ZNF8: variants seen among roughly 807,000 people sequenced by gnomAD.
The protein encoded by ZNF8 is zinc finger protein 272.
ZNF8 carries 9 observed loss-of-function variants against 12.2 expected under a neutral mutation model. The observed-to-expected ratio is 0.73, with a 90% CI of 0.44 to 1.28. The LOEUF (loss-of-function observed/expected upper bound fraction) is 1.28, where lower values mean the gene tolerates loss of function less well. Ranked by LOEUF, ZNF8 falls within the 50% of genes most tolerant of loss-of-function variation. The pLI is 0.00. For synonymous variants in ZNF8, 274 were observed against 282.3 expected, an observed-to-expected ratio of 0.97 and a Z score of 0.30; for missense variants, 664 against 729.1, an observed-to-expected ratio of 0.91 and a Z score of 1.03.
rs765986358 is a variant in ZNF8, at chr19:58,295,495, G to A, written c.1687G>A (p.Val563Met). 6.2e-7 allele frequency: 1 copy of A among 1,609,300 alleles called. No individual in the cohort carries two copies. The highest frequency in any genetic ancestry group is 1.1e-5 in the South Asian group (1 of 90,700). Residue 563 changes from valine to methionine, a missense_variant, in exon 4 of 4, where the codon GTG becomes ATG. By Grantham distance (21) the Val-to-Met change is conservative. Coordinates refer to ENST00000621650, the MANE Select transcript of ZNF8 (RefSeq NM_021089.3). Reference protein sequence around the residue: ...VHVIGVEEPSVGASMLFDIRE... With the variant: ...VHVIGVEEPSMGASMLFDIRE... Reference sequence around the variant, plus strand: ...CGTTATTGGGGTGGAAGAGCCTTCTGTGGGTGCTTCCATGTTATTTGACAT... The same window carrying A: ...CGTTATTGGGGTGGAAGAGCCTTCTATGGGTGCTTCCATGTTATTTGACAT...
At position 58,300,543 on chromosome 19, in the gene ZNF8, T is replaced by C. The variant is rs1210556783; in HGVS notation, c.*5007T>C. On this transcript the variant is annotated 3_prime_UTR_variant, in exon 4 of 4. Coordinates refer to ENST00000621650, the MANE Select transcript of ZNF8 (RefSeq NM_021089.3). ...ATAACAACGGGGCTTAGAAACCTCGTATTTACCTTTCTAACCTCTGTGGTG... is the reference window on the plus strand; with the variant it reads ...ATAACAACGGGGCTTAGAAACCTCGCATTTACCTTTCTAACCTCTGTGGTG... 8 of 152,196 alleles carry C rather than the reference T, an allele frequency of 5.3e-5. No homozygotes were observed. The highest frequency in any genetic ancestry group is 5.9e-5 in the Non-Finnish European group (4 of 68,038). The allele number at this position is 152,196 out of a possible 1,614,324, so 9.4% of individuals were successfully genotyped here. A position where few individuals can be genotyped will look rare whatever the true frequency, so the allele number is the denominator to read the frequency against.
At chr19:58,279,897 C>A in intron 1 of ZNF8, 1 of 1,194,678 alleles carries the variant, frequency 8.4e-7, no homozygotes, top group Non-Finnish European at 1.1e-6. Flanking sequence ...TATTTTTTGT[C>A]GTTGGTTTGT....
rs1373196818 is a variant in ZNF8 at position 58,301,680 on chromosome 19, C to A, written c.*6144C>A. 6.6e-6 allele frequency: 1 copy of A among 152,298 alleles called. No homozygotes were observed. The highest frequency in any genetic ancestry group is 1.5e-5 in the Non-Finnish European group (1 of 68,132). The allele number at this position is 152,298 out of a possible 1,614,324, so 9.4% of individuals were successfully genotyped here. A position where few individuals can be genotyped will look rare whatever the true frequency, so the allele number is the denominator to read the frequency against. ...CACAGTTGATACTTCTCTGAGGGGG[C>A]ATGGGGTTGGCTGAGGTTATAGCAG... On this transcript the variant is annotated 3_prime_UTR_variant, in exon 4 of 4. Transcript: ENST00000621650.
At chr19:58,286,052 G>C in intron 2 of ZNF8, 58 bp from the exon 3 acceptor site, 1 of 1,562,220 alleles carries the variant, frequency 6.4e-7, no homozygotes, top group Admixed American at 1.8e-5. Context: ...CTGGAGCCTG[G>C]GCTTGTTGTT....
In ZNF8 at chr19:58,294,194, C is replaced by T. The variant is rs1341143168; in HGVS notation, c.386C>T (p.Thr129Ile). Residue 129 changes from threonine (T) to isoleucine (I), a missense_variant, in exon 4 of 4, where the codon ACA becomes ATA. Physicochemically the swap from Thr to Ile is moderately conservative, Grantham distance 89 (BLOSUM62 -1). This residue lies in a region of ZNF8 where 306 missense variants were observed against 308.7 expected (regional missense o/e 0.99). Transcript: ENST00000621650. The surrounding 1 kb of genome is among the most constrained non-coding windows in gnomAD (Gnocchi z 5.5). ...GTCACGGGAAGGGAAGGATTCCCGA[C>T]AGATGCTCCTTATCCCACCACGTTA... ...SHVTGREGFP[T>I]DAPYPTTLGK... The T allele has an allele frequency of 6.2e-7, 1 of 1,614,162 alleles. No homozygotes were observed. The highest frequency in any genetic ancestry group is 1.7e-5 in the Admixed American group (1 of 60,022).
chr19:58,281,544 G>A (rs942416919), intron 1 of ZNF8, among the ~76,000 whole-genome samples: 2 of 152,160 alleles, frequency 1.3e-5, no homozygotes, highest in Non-Finnish European at 2.9e-5. Context: ...CCAGTACTCA[G>A]TGGACGTGGT....
At position 58,294,492 on chromosome 19, in the gene ZNF8, C is replaced by A; in HGVS notation, c.684C>A (p.Pro228=). 1.2e-6 allele frequency: 2 copies of A among 1,614,150 alleles called. No homozygotes were observed. Among genetic ancestry groups the A allele is most frequent in the Admixed American group, 3.3e-5 (2 of 60,014 alleles). ...AGACAGGCTCCCCAGGAAAACAGCC[C>A]GGTGAAAACAGTGACTGTCACAGAG... ...SQQTGSPGKQ[P]GENSDCHRDS... is the part of the protein sequence containing the mutation. Residue 228 remains proline, a synonymous_variant, in exon 4 of 4, where the codon CCC becomes CCA. Transcript: ENST00000621650. This position sits in a 1 kb window ranked among gnomAD's most constrained non-coding sequence, Gnocchi z 5.5.
At position 58,294,555 on chromosome 19, in the gene ZNF8, AAGC is replaced by A. The variant is rs2051441019; in HGVS notation, c.748_750del (p.Ser250del). ...CCATTCCAATTACGGAACTCACAAAAAGCCAGGTGCAGGACAAACCCTACAAAT... is the reference window on the plus strand; with the variant it reads ...CCATTCCAATTACGGAACTCACAAAACAGGTGCAGGACAAACCCTACAAAT... On this transcript the variant is annotated inframe_deletion, in exon 4 of 4. Transcript: ENST00000621650. The surrounding 1 kb of genome is among the most constrained non-coding windows in gnomAD (Gnocchi z 5.5). 6.2e-7 allele frequency: 1 copy of A among 1,614,028 alleles called. No homozygotes were observed. Among genetic ancestry groups the A allele is most frequent in the African/African-American group, 1.3e-5 (1 of 74,906 alleles).
chr19:58,286,983 A>G (rs1387930465), intron 3 of ZNF8, among the ~76,000 whole-genome samples: 3 of 152,018 alleles, frequency 2.0e-5, no homozygotes, highest in East Asian at 1.9e-4. Flanking sequence ...CATCATTTCT[A>G]ATATGTGAAC....
chr19:58,288,023 CT>C (rs11285289), intron 3 of ZNF8, among the ~76,000 whole-genome samples: 45,074 of 135,588 alleles, frequency 0.33, 7,592 homozygotes, highest in East Asian at 0.46. Context: ...TTTGTGTGTC[CT>C]TTTTTTTTTT....
intron 3 of ZNF8, among the ~76,000 whole-genome samples, chr19:58,290,255 T>C (rs1046866331): frequency 2.0e-5 from 3 of 149,086 alleles, no homozygotes; most frequent in Non-Finnish European, 3.0e-5. Flanking sequence ...GGACTACAGG[T>C]GCCCGCCACT....
intron 3 of ZNF8, among the ~76,000 whole-genome samples, chr19:58,290,828 T>C (rs1223317048): frequency 6.6e-6 from 1 of 152,066 alleles, no homozygotes; most frequent in Non-Finnish European, 1.5e-5. Flanking sequence ...AGGCGGGTGG[T>C]TCGCTTGAGT....
intron 3 of ZNF8, among the ~76,000 whole-genome samples, chr19:58,288,207 C>G (rs1204338760): frequency 6.6e-6 from 1 of 152,048 alleles, no homozygotes; most frequent in Non-Finnish European, 1.5e-5. Context: ...TCTTTATTCT[C>G]TTATGAGGAA....
At position 58,279,087 on chromosome 19, in the gene ZNF8, C is replaced by CT; in HGVS notation, c.6_7insT (p.Pro3SerfsTer50). 3 of 1,521,588 alleles carry CT rather than the reference C, an allele frequency of 2.0e-6. No individual in the cohort carries two copies. Among genetic ancestry groups the CT allele is most frequent in the Non-Finnish European group, 2.7e-6 (3 of 1,128,668 alleles). 94.3% of individuals were successfully genotyped at this position (1,521,588 alleles called of 1,614,324 possible). A position where few individuals can be genotyped will look rare whatever the true frequency, so the allele number is the denominator to read the frequency against. On this transcript the variant is annotated frameshift_variant, in exon 1 of 4. Coordinates refer to ENST00000621650, the MANE Select transcript of ZNF8 (RefSeq NM_021089.3). LOFTEE classifies it high-confidence loss of function. ...CCTTCACTGGGCGATCCAGCATGGA[C>CT]CCCGAGGACGAAGGGGTAGCGGGAG...
Position 58,296,438 on chromosome 19 carries a change from C to G in ZNF8, c.*902C>G, listed in dbSNP as rs2051455931. On this transcript the variant is annotated 3_prime_UTR_variant, in exon 4 of 4. Transcript: ENST00000621650. ...CTGAGATGGAGTCTCGCTCCGTCAC[C>G]CAGGCTGGAGTGCAATGGCGCAGTC... The G allele has an allele frequency of 6.6e-6, 1 of 152,044 alleles. No homozygotes were observed. The highest frequency in any genetic ancestry group is 2.1e-4 in the South Asian group (1 of 4,824). 9.4% of individuals were successfully genotyped at this position (152,044 alleles called of 1,614,324 possible).
Position 58,294,718 on chromosome 19 carries a change from G to A in ZNF8, c.910G>A (p.Glu304Lys), listed in dbSNP as rs2051442267. 2 of 1,614,034 alleles carry A rather than the reference G, an allele frequency of 1.2e-6. No individual in the cohort carries two copies. Among genetic ancestry groups the A allele is most frequent in the Non-Finnish European group, 1.7e-6 (2 of 1,179,974 alleles). ...CCAGAACTCCTCCCTCGTCCAGCAT[G>A]AGCGCATCCACACTGGAGACAAGCC... ...FSQNSSLVQH[E>K]RIHTGDKPYK... is the part of the protein sequence containing the mutation. Residue 304 changes from glutamate to lysine, a missense_variant, in exon 4 of 4, where the codon GAG (glutamate) becomes AAG (lysine). Glu to Lys is a moderately conservative substitution (Grantham distance 56). Transcript: ENST00000621650. This position sits in a 1 kb window ranked among gnomAD's most constrained non-coding sequence, Gnocchi z 5.5.
chr19:58,279,392 T>G, intron 1 of ZNF8: 2 of 1,446,938 alleles, frequency 1.4e-6, no homozygotes, highest in African/African-American at 1.4e-5. Flanking sequence ...TCCCCAGGGC[T>G]GGGGTCGGTC....
In ZNF8 at chr19:58,279,784, A is replaced by G. The variant is rs1299976497; in HGVS notation, c.66+637A>G. ...CCATCAGAGCTCCACTTTCTAGACAAAGTGGTTGCGGCCTGTGTTCTCCAT... is the reference window on the plus strand; with the variant it reads ...CCATCAGAGCTCCACTTTCTAGACAGAGTGGTTGCGGCCTGTGTTCTCCAT... On this transcript the variant is annotated intron_variant, in intron 1 of 3. Transcript: ENST00000621650. The G allele has an allele frequency of 9.6e-6, 14 of 1,460,932 alleles. No homozygotes were observed. In the South Asian group the frequency reaches 9.7e-5, roughly 10 times the overall value. The allele number at this position is 1,460,932 out of a possible 1,614,324, so 90.5% of individuals were successfully genotyped here.
At position 58,285,765 on chromosome 19, in the gene ZNF8, T is replaced by G. The variant is rs2051379307; in HGVS notation, c.115T>G (p.Trp39Gly). ...DVAVDFTQEE[W>G]GQLDPTQRIL... is the part of the protein sequence containing the mutation. ...GGCTGTGGACTTTACCCAGGAGGAA[T>G]GGGGGCAGCTGGACCCTACCCAGAG... The change falls in exon 2 of 4, where the codon TGG becomes GGG. Residue 39 changes from tryptophan (W) to glycine (G), a missense_variant. Physicochemically the swap from Trp to Gly is radical, Grantham distance 184. Transcript: ENST00000621650. The G allele has an allele frequency of 1.9e-6, 3 of 1,614,126 alleles. No individual in the cohort carries two copies. Among genetic ancestry groups the G allele is most frequent in the Non-Finnish European group, 2.5e-6 (3 of 1,180,014 alleles).
Sources: gnomAD v4.1 joint callset for allele counts (sites outside exome capture counted in the v4.1 genomes callset) on GRCh38, gnomAD v4.1.1 for gene constraint, gnomAD v4.1.1 regional missense constraint, Gnocchi (gnomAD v3.1) non-coding constraint, MANE v1.5 for transcripts, NCBI Gene and HGNC (gene_info 2026-07-23, HGNC 2026-07-21) for gene names.